The following SORCS3 variants were observed in gnomAD, a reference collection of about 807,000 sequenced individuals.
SORCS3 encodes the protein VPS10 domain-containing receptor SorCS3.
A neutral mutation model predicts 146.3 loss-of-function variants in SORCS3; 57 were observed. That is an observed-to-expected ratio of 0.39 (90% CI 0.31 to 0.49). The LOEUF (loss-of-function observed/expected upper bound fraction) is 0.49, where lower values mean the gene tolerates loss of function less well. SORCS3 is among the 20% of genes least tolerant of loss of function. SORCS3 has a pLI of 0.92. For synonymous variants in SORCS3, 653 were observed against 618.5 expected, an observed-to-expected ratio of 1.06 and a Z score of -0.83; for missense variants, 1,341 against 1,575.5, an observed-to-expected ratio of 0.85 and a Z score of 2.52.
chr10:105,134,167 A>G (rs2056042040), intron 7 of SORCS3, among the ~76,000 whole-genome samples: 1 of 152,234 alleles, frequency 6.6e-6, no homozygotes, highest in African/African-American at 2.4e-5. Context: ...GGAGGAGCAC[A>G]GGCTTAGAGC....
chr10:105,113,687 T>C (rs796755146), intron 7 of SORCS3, among the ~76,000 whole-genome samples: 2 of 152,210 alleles, frequency 1.3e-5, no homozygotes, highest in Non-Finnish European at 2.9e-5. Flanking sequence ...ATGGTTTTGC[T>C]TGGGGGAACC....
At chr10:104,980,038 A>C (rs944866499) in intron 4 of SORCS3, among the ~76,000 whole-genome samples, 3 of 152,206 alleles carry the variant, frequency 2.0e-5, no homozygotes, top group Non-Finnish European at 4.4e-5. Context: ...CTTTGCCTCC[A>C]TCTCCACAGC....
At chr10:105,137,544 A>G (rs1001510315) in intron 7 of SORCS3, among the ~76,000 whole-genome samples, 1 of 152,136 alleles carries the variant, frequency 6.6e-6, no homozygotes, top group Admixed American at 6.6e-5. Flanking sequence ...AGAATTCAGG[A>G]ACATATCTAC....
chr10:104,793,403 A>G (rs2017516512), intron 1 of SORCS3, among the ~76,000 whole-genome samples: 1 of 152,190 alleles, frequency 6.6e-6, no homozygotes, highest in Non-Finnish European at 1.5e-5. Flanking sequence ...TTGGGGAGCT[A>G]AAATGAAATT....
chr10:105,036,260 C>T (rs995952913), intron 4 of SORCS3, among the ~76,000 whole-genome samples: 6 of 152,146 alleles, frequency 3.9e-5, no homozygotes, highest in African/African-American at 1.4e-4. Context: ...CTGCGCCCAA[C>T]CCAGCAGAAC....
At chr10:105,016,155 A>ATTTTTTTTTTTTTTTT (rs10625699) in intron 4 of SORCS3, among the ~76,000 whole-genome samples, 1 of 101,338 alleles carries the variant, frequency 9.9e-6, no homozygotes, top group Non-Finnish European at 1.9e-5. Context: ...ATATATATAT[A>ATTTTTTTTTTTTTTTT]TTTTTTTTTT....
intron 1 of SORCS3, among the ~76,000 whole-genome samples, chr10:104,808,949 C>T (rs140530489): frequency 1.3e-3 from 193 of 152,186 alleles, no homozygotes; most frequent in Non-Finnish European, 1.4e-3. Flanking sequence ...AATATTTCGA[C>T]GGCAAAATCA....
rs2056934745 is a variant in SORCS3 at position 105,256,887 on chromosome 10, G to A, written c.3406G>A (p.Val1136Ile). The change falls in exon 25 of 27, where the codon GTT becomes ATT. Residue 1136 changes from valine to isoleucine, a missense_variant. By Grantham distance (29) the Val-to-Ile change is conservative (BLOSUM62 3). Transcript: ENST00000369701. ...GCTTATGCTATTATCAGTGGTATTT[G>A]TTGGCCTGGCTGTGTTTTTGATCTA... Reference protein sequence around the residue: ...AMLMLLSVVFVGLAVFLIYKF... With the variant: ...AMLMLLSVVFIGLAVFLIYKF... 2.5e-6 allele frequency: 4 copies of A among 1,614,188 alleles called. No homozygotes were observed. The highest frequency in any genetic ancestry group is 3.4e-6 in the Non-Finnish European group (4 of 1,180,004).
intron 2 of SORCS3, among the ~76,000 whole-genome samples, chr10:104,899,339 G>C (rs188402007): frequency 1.3e-5 from 2 of 152,306 alleles, no homozygotes; most frequent in Admixed American, 1.3e-4. Flanking sequence ...AAATTCAGCT[G>C]TATGGAGTTC....
At chr10:104,964,618 G>T (rs551293875) in intron 3 of SORCS3, among the ~76,000 whole-genome samples, 6 of 152,002 alleles carry the variant, frequency 3.9e-5, no homozygotes, top group Non-Finnish European at 7.4e-5. Context: ...ATGAATAAAT[G>T]GTGTGTATGT....
At chr10:105,028,793 G>A (rs933177966) in intron 4 of SORCS3, among the ~76,000 whole-genome samples, 1 of 152,028 alleles carries the variant, frequency 6.6e-6, no homozygotes, top group East Asian at 1.9e-4. Flanking sequence ...TATATGCTTT[G>A]GGCCCCTGGT....
intron 24 of SORCS3, among the ~76,000 whole-genome samples, chr10:105,256,056 TG>T (rs2056929630): frequency 6.6e-6 from 1 of 152,256 alleles, no homozygotes; most frequent in Non-Finnish European, 1.5e-5. Context: ...ACAATTTACT[TG>T]GGTCTTAACC....
intron 3 of SORCS3, among the ~76,000 whole-genome samples, chr10:104,955,098 G>A (rs891843571): frequency 6.6e-6 from 1 of 152,150 alleles, no homozygotes; most frequent in Admixed American, 6.6e-5. Context: ...ACAATGTGGT[G>A]TAATCACTAC....
At chr10:105,040,830 A>T (rs918477245) in intron 4 of SORCS3, among the ~76,000 whole-genome samples, 2 of 151,932 alleles carry the variant, frequency 1.3e-5, no homozygotes, top group Non-Finnish European at 2.9e-5. Context: ...AAATACTGTG[A>T]GAGTTAGTGT....
intron 20 of SORCS3, among the ~76,000 whole-genome samples, chr10:105,234,919 T>C (rs1421310916): frequency 2.0e-5 from 3 of 152,116 alleles, no homozygotes; most frequent in Non-Finnish European, 1.5e-5. Context: ...CTTGTAATTT[T>C]TTTCTTCACA....
intron 1 of SORCS3, among the ~76,000 whole-genome samples, chr10:104,800,224 G>T (rs1423196798): frequency 6.9e-6 from 1 of 145,404 alleles, no homozygotes; most frequent in East Asian, 2.1e-4. Context: ...ATCTGAAGAG[G>T]CTACATACCA....
intron 7 of SORCS3, among the ~76,000 whole-genome samples, chr10:105,106,544 A>C (rs1353751349): frequency 2.0e-5 from 3 of 152,330 alleles, no homozygotes; most frequent in East Asian, 3.9e-4. Context: ...TTATACACAC[A>C]GTTGACCCCT....
At position 105,247,403 on chromosome 10, in the gene SORCS3, A is replaced by G. The variant is rs1165828569; in HGVS notation, c.3105+72A>G. On this transcript the variant is annotated intron_variant, in intron 22 of 26. Transcript: ENST00000369701. ...AACTAGATGGTGTGGTCCACAATAC[A>G]TTGGCATGGATTGAAACTGCATTCC... 4.0e-6 allele frequency: 3 copies of G among 759,436 alleles called. No individual in the cohort carries two copies. In the African/African-American group the frequency reaches 5.3e-5, roughly 13 times the overall value. 47.0% of individuals were successfully genotyped at this position (759,436 alleles called of 1,614,324 possible). A position where few individuals can be genotyped will look rare whatever the true frequency, so the allele number is the denominator to read the frequency against.
chr10:104,835,265 T>A (rs901073175), intron 1 of SORCS3, among the ~76,000 whole-genome samples: 1 of 152,190 alleles, frequency 6.6e-6, no homozygotes, highest in African/African-American at 2.4e-5. Context: ...AATACACTCC[T>A]GCAGGCAGTC....
Sources: gnomAD v4.1 joint callset for allele counts (sites outside exome capture counted in the v4.1 genomes callset) on GRCh38, gnomAD v4.1.1 for gene constraint, MANE v1.5 for transcripts, NCBI Gene and HGNC (gene_info 2026-07-23, HGNC 2026-07-21) for gene names.